The following ASCC2 variants were observed in gnomAD, a reference collection of about 807,000 sequenced individuals.
ASCC2 encodes the protein ASC-1 complex subunit P100.
A neutral mutation model predicts 93.5 loss-of-function variants in ASCC2; 42 were observed. The observed-to-expected ratio is 0.45, with a 90% CI of 0.35 to 0.58. The LOEUF (loss-of-function observed/expected upper bound fraction) is 0.58. Among genes scored for constraint, ASCC2 ranks in the 20% least tolerant of loss-of-function variants. ASCC2 has a pLI of 0.00. For synonymous variants in ASCC2, 364 were observed against 384.2 expected, an observed-to-expected ratio of 0.95 and a Z score of 0.62; for missense variants, 859 against 977.6, an observed-to-expected ratio of 0.88 and a Z score of 1.62.
intron 1 of ASCC2, chr22:29,833,563 T>C (rs1012695372): frequency 4.2e-6 from 2 of 470,972 alleles, no homozygotes; most frequent in Admixed American, 4.7e-5. Context: ...GAGTGGCAGA[T>C]CCAAGGTCTC....
At chr22:29,804,956 T>C in intron 12 of ASCC2, 126 bp from the exon 13 acceptor site, 2 of 1,004,084 alleles carry the variant, frequency 2.0e-6, no homozygotes, top group South Asian at 3.0e-5. Context: ...ATCTAAGTGG[T>C]ATAGCCCACG....
intron 9 of ASCC2, 32 bp from the exon 10 acceptor site, chr22:29,806,936 G>A: frequency 6.3e-7 from 1 of 1,575,546 alleles, no homozygotes; most frequent in Non-Finnish European, 8.7e-7. Flanking sequence ...CACAGGTTTA[G>A]GAGACAAAAA....
Position 29,788,652 on chromosome 22 carries a change from T to G in ASCC2, c.*361A>C. ...ATTTTATTAGCAGGACTTTTTGTGT[T>G]TTTGAATATACAGGTTTCCTGCTGT... On this transcript the variant is annotated 3_prime_UTR_variant, in exon 20 of 20. Coordinates refer to ENST00000307790, the MANE Select transcript of ASCC2 (RefSeq NM_032204.5). 1 of 261,890 alleles carries G rather than the reference T, an allele frequency of 3.8e-6. No individual in the cohort carries two copies. Among genetic ancestry groups the G allele is most frequent in the Non-Finnish European group, 7.4e-6 (1 of 135,534 alleles). 16.2% of individuals were successfully genotyped at this position (261,890 alleles called of 1,614,324 possible).
chr22:29,803,201 A>T (rs918664275), intron 13 of ASCC2, among the ~76,000 whole-genome samples: 6 of 151,178 alleles, frequency 4.0e-5, no homozygotes, highest in African/African-American at 1.5e-4. Flanking sequence ...CAGTAAGCAG[A>T]GATCGCACTA....
intron 19 of ASCC2, 131 bp downstream of exon 19, chr22:29,790,338 C>T (rs2068843022): frequency 1.2e-6 from 1 of 861,812 alleles, no homozygotes; most frequent in African/African-American, 1.7e-5. Flanking sequence ...GTAGCTACTT[C>T]ACTGGGTTGT....
At chr22:29,803,677 A>G (rs1457264924) in intron 13 of ASCC2, among the ~76,000 whole-genome samples, 3 of 152,208 alleles carry the variant, frequency 2.0e-5, no homozygotes, top group Non-Finnish European at 2.9e-5. Context: ...TGCATTTTAT[A>G]TATTGCTCAA....
rs373380919 is a variant in ASCC2 at position 29,814,725 on chromosome 22, C to A, written c.652G>T (p.Gly218Trp). 1.2e-6 allele frequency: 2 copies of A among 1,608,954 alleles called. No individual in the cohort carries two copies. The highest frequency in any genetic ancestry group is 1.7e-6 in the Non-Finnish European group (2 of 1,177,918). ...ILQHCGLQGDGANTTPQKLEE... is the reference protein window; with the variant it reads ...ILQHCGLQGDWANTTPQKLEE... Reference sequence around the variant, plus strand: ...AGCTTCTGGGGTGTGGTATTGGCCCCGTCCCCTTGCAAACCACAGTGCTGG... The same window carrying A: ...AGCTTCTGGGGTGTGGTATTGGCCCAGTCCCCTTGCAAACCACAGTGCTGG... Residue 218 changes from glycine to tryptophan, a missense_variant, in exon 7 of 20, where the codon GGG becomes TGG. By Grantham distance (184) the Gly-to-Trp change is radical (BLOSUM62 -2). Transcript: ENST00000307790.
intron 15 of ASCC2, 48 bp downstream of exon 15, chr22:29,800,943 G>A: frequency 1.3e-6 from 2 of 1,542,084 alleles, no homozygotes; most frequent in Non-Finnish European, 1.8e-6. Context: ...TGTCCTCTCT[G>A]CACTTCCAGA....
intron 2 of ASCC2, among the ~76,000 whole-genome samples, chr22:29,827,983 CT>C: frequency 6.7e-6 from 1 of 148,808 alleles, no homozygotes; most frequent in African/African-American, 2.5e-5. Flanking sequence ...ACACACACCC[CT>C]GAGATTCTAC....
At position 29,802,265 on chromosome 22, in the gene ASCC2, A is replaced by C. The variant is rs1053401393; in HGVS notation, c.1354-57T>G. On this transcript the variant is annotated intron_variant, in intron 13 of 19. Transcript: ENST00000307790. Reference sequence around the variant, plus strand: ...GGCTAAGTGGGCCGGTGATAGGGCCACAGGCCCCAGACAGCACTGGACTAG... The same window carrying C: ...GGCTAAGTGGGCCGGTGATAGGGCCCCAGGCCCCAGACAGCACTGGACTAG... 4.5e-6 allele frequency: 7 copies of C among 1,559,720 alleles called. No individual in the cohort carries two copies. In the African/African-American group the frequency reaches 8.1e-5, roughly 18 times the overall value.
At chr22:29,827,437 A>G in intron 2 of ASCC2, 1 of 359,992 alleles carries the variant, frequency 2.8e-6, no homozygotes, top group South Asian at 2.3e-5. Flanking sequence ...ATAAGAGGTC[A>G]GCCTCCTCAA....
intron 11 of ASCC2, 74 bp from the exon 12 acceptor site, chr22:29,806,364 C>T (rs2059677201): frequency 1.3e-6 from 2 of 1,579,438 alleles, no homozygotes; most frequent in East Asian, 2.2e-5. Flanking sequence ...CAGGCCACTC[C>T]CTGTGTTTGC....
intron 1 of ASCC2, among the ~76,000 whole-genome samples, chr22:29,832,963 C>T (rs2063345472): frequency 6.6e-6 from 1 of 152,100 alleles, no homozygotes; most frequent in African/African-American, 2.4e-5. Flanking sequence ...GTTCTTACTA[C>T]ATCACTCGGG....
intron 18 of ASCC2, 71 bp downstream of exon 18, chr22:29,792,362 G>A: frequency 6.3e-7 from 1 of 1,592,130 alleles, no homozygotes. Flanking sequence ...ATAGGGAGGG[G>A]TGAGGGGCCC....
At chr22:29,829,448 C>T (rs763223948) in intron 2 of ASCC2, among the ~76,000 whole-genome samples, 1 of 152,004 alleles carries the variant, frequency 6.6e-6, no homozygotes, top group Non-Finnish European at 1.5e-5. Context: ...GCTGACTGGA[C>T]GTGGTGGCTC....
Position 29,788,909 on chromosome 22 carries a change from G to T in ASCC2, c.*104C>A. The stretch of plus-strand genomic sequence containing the variant: ...GGGCTGCAAAGCTGAGGCTGTTGAG[G>T]GGTTGAGTTGAACTTGGGGCCCCTA... On this transcript the variant is annotated 3_prime_UTR_variant, in exon 20 of 20. Transcript: ENST00000307790. 1 of 1,399,630 alleles carries T rather than the reference G, an allele frequency of 7.1e-7. No individual in the cohort carries two copies. The highest frequency in any genetic ancestry group is 9.9e-7 in the Non-Finnish European group (1 of 1,006,388). The allele number at this position is 1,399,630 out of a possible 1,614,324, so 86.7% of individuals were successfully genotyped here.
intron 2 of ASCC2, among the ~76,000 whole-genome samples, chr22:29,831,667 T>C (rs2063167443): frequency 6.6e-6 from 1 of 152,284 alleles, no homozygotes; most frequent in South Asian, 2.1e-4. Flanking sequence ...GGGCTACATC[T>C]ATCTCCTTCT....
chr22:29,825,758 C>T lies in ASCC2; in HGVS notation c.104G>A (p.Arg35Gln), dbSNP rs376359428. The T allele has an allele frequency of 4.3e-6, 7 of 1,611,154 alleles. No homozygotes were observed. The highest frequency in any genetic ancestry group is 5.9e-6 in the Non-Finnish European group (7 of 1,177,508). ...PALHPEQKAD[R>Q]YFVLYKPPPK... The stretch of plus-strand genomic sequence containing the variant: ...GGGCGGTTTGTATAACACAAAATAC[C>T]GGTCTGCCTTCTGCTCGGGGTGCTA... Residue 35 changes from arginine (R) to glutamine (Q), a missense_variant, in exon 3 of 20, where the codon CGG becomes CAG. Physicochemically the swap from Arg to Gln is conservative, Grantham distance 43 (BLOSUM62 1). Transcript: ENST00000307790. This position sits in a 1 kb window ranked among gnomAD's most constrained non-coding sequence, Gnocchi z 4.9.
At chr22:29,801,858 G>A (rs1601887514) in intron 14 of ASCC2, 136 bp downstream of exon 14, 1 of 781,010 alleles carries the variant, frequency 1.3e-6, no homozygotes, top group South Asian at 1.8e-5. Context: ...TTTCCCCAAA[G>A]AGGGCTTTAG....
Sources: allele counts gnomAD v4.1 joint callset (sites outside exome capture counted in the v4.1 genomes callset), GRCh38; gene constraint gnomAD v4.1.1; non-coding constraint Gnocchi (gnomAD v3.1); transcripts MANE v1.5; gene names NCBI Gene and HGNC (gene_info 2026-07-23, HGNC 2026-07-21).